The following CNNM1 variants were observed in gnomAD, a reference collection of about 807,000 sequenced individuals.
CNNM1 encodes cyclin and CBS domain divalent metal cation transport mediator 1.
CNNM1 carries 44 observed loss-of-function variants against 78.8 expected under a neutral mutation model. The ratio of observed to expected loss-of-function variants is 0.56; its 90% CI spans 0.44 to 0.72. The LOEUF (loss-of-function observed/expected upper bound fraction) is 0.72. Ranked by LOEUF, CNNM1 falls within the 30% of genes least tolerant of loss-of-function variation. The probability of loss-of-function intolerance (pLI) is 0.00; values close to 1 mark genes in which losing one functional copy is unlikely to be tolerated. For missense variants in CNNM1, 1,101 were observed against 1,292.2 expected (o/e 0.85, Z 2.27); for synonymous variants, 584 against 581.5 (o/e 1.00, Z -0.06).
At chr10:99,341,344 C>A (rs2862601) in intron 1 of CNNM1, among the ~76,000 whole-genome samples, 1 of 152,068 alleles carries the variant, frequency 6.6e-6, no homozygotes, top group Non-Finnish European at 1.5e-5. Context: ...CTCTCAACAT[C>A]GTCTGGGCAG....
chr10:99,369,787 C>T (rs1004582507), intron 6 of CNNM1, among the ~76,000 whole-genome samples: 27 of 152,086 alleles, frequency 1.8e-4, no homozygotes, highest in African/African-American at 4.8e-4. Context: ...ACTACAGGAT[C>T]GGACAGTCAA....
chr10:99,330,597 G>T lies in CNNM1; in HGVS notation c.1210G>T (p.Ala404Ser), dbSNP rs1174419015. 6 of 1,612,548 alleles carry T rather than the reference G, an allele frequency of 3.7e-6. No homozygotes were observed. Among genetic ancestry groups the T allele is most frequent in the Non-Finnish European group, 5.1e-6 (6 of 1,179,392 alleles). The change falls in exon 1 of 11, where the codon GCA (alanine) becomes TCA (serine). Residue 404 changes from alanine (A) to serine (S), a missense_variant. Physicochemically the swap from Ala to Ser is moderately conservative, Grantham distance 99. Coordinates refer to ENST00000356713, the MANE Select transcript of CNNM1 (RefSeq NM_020348.3). ...GAAGTTGCTGGAGACGTTGCGGGCC[G>T]CAGACCCCTACAGTGACCTGGTGAA... ...REKLLETLRA[A>S]DPYSDLVKEE...
chr10:99,366,816 A>T (rs958728181), intron 6 of CNNM1, among the ~76,000 whole-genome samples: 1 of 152,206 alleles, frequency 6.6e-6, no homozygotes, highest in Non-Finnish European at 1.5e-5. Flanking sequence ...GGAAGATGTT[A>T]TCTGATTTCT....
intron 1 of CNNM1, among the ~76,000 whole-genome samples, chr10:99,331,472 C>T (rs991728908): frequency 1.3e-5 from 2 of 152,224 alleles, no homozygotes; most frequent in Non-Finnish European, 2.9e-5. Flanking sequence ...AATCCTTCTA[C>T]CTCTTCTGCC....
Position 99,330,153 on chromosome 10 carries a change from G to T in CNNM1, c.766G>T (p.Val256Leu). Residue 256 changes from valine (V) to leucine (L), a missense_variant, in exon 1 of 11, where the codon GTG becomes TTG. Physicochemically the swap from Val to Leu is conservative, Grantham distance 32. Around this residue, in one of 3 missense-constraint regions of CNNM1, gnomAD observed 476 missense variants for 484.5 expected, o/e 0.98. Transcript: ENST00000356713. ...GTCGCTGGACCCGGTGGAGTTACGG[G>T]TGCTGCGGAACAGCGGCTCGGCCGC... is the stretch of plus-strand genomic sequence containing the variant. Reference protein sequence around the residue: ...LLSLDPVELRVLRNSGSAAEQ... With the variant: ...LLSLDPVELRLLRNSGSAAEQ... The T allele has an allele frequency of 1.9e-6, 3 of 1,541,332 alleles. No individual in the cohort carries two copies. Among genetic ancestry groups the T allele is most frequent in the Non-Finnish European group, 1.7e-6 (2 of 1,149,830 alleles).
At chr10:99,366,095 C>T (rs1175667065) in intron 6 of CNNM1, among the ~76,000 whole-genome samples, 1 of 152,174 alleles carries the variant, frequency 6.6e-6, no homozygotes, top group East Asian at 1.9e-4. Context: ...AGTGTAATAG[C>T]CCAGCCAGTG....
chr10:99,330,405 G>A lies in CNNM1; in HGVS notation c.1018G>A (p.Glu340Lys), dbSNP rs1357387949. ...CACCGGCGCGGTATTCCTGGGCGCCGAAATCTGCCCCTACTCAGTGTGTTC... is the reference window on the plus strand; with the variant it reads ...CACCGGCGCGGTATTCCTGGGCGCCAAAATCTGCCCCTACTCAGTGTGTTC... Reference protein sequence around the residue: ...VCTGAVFLGAEICPYSVCSRH... With the variant: ...VCTGAVFLGAKICPYSVCSRH... Residue 340 changes from glutamate (E) to lysine (K), a missense_variant, in exon 1 of 11, where the codon GAA becomes AAA. Glu to Lys is a moderately conservative substitution (Grantham distance 56). Around this residue, in one of 3 missense-constraint regions of CNNM1, gnomAD observed 277 missense variants for 423.2 expected, o/e 0.65. Transcript: ENST00000356713. 6.3e-7 allele frequency: 1 copy of A among 1,592,626 alleles called. No individual in the cohort carries two copies. Among genetic ancestry groups the A allele is most frequent in the Non-Finnish European group, 8.5e-7 (1 of 1,170,570 alleles).
rs1376712131 is a variant in CNNM1, at chr10:99,390,401, AC to A, written c.2772del (p.Leu925Ter). 1 of 1,609,916 alleles carries A rather than the reference AC, an allele frequency of 6.2e-7. No homozygotes were observed. Among genetic ancestry groups the A allele is most frequent in the Non-Finnish European group, 8.5e-7 (1 of 1,177,684 alleles). ...EENVGKKLLR[T>X]LSGQKRKRSP... ...AAACGTGGGCAAGAAGCTGCTGAGA[AC>A]CTTGAGTGAGTAGCTAGTTCTTCAC... On this transcript the variant is annotated frameshift_variant, in exon 10 of 11. Transcript: ENST00000356713. LOFTEE classifies it high-confidence loss of function.
At chr10:99,333,322 CTCAT>C (rs370449396) in intron 1 of CNNM1, among the ~76,000 whole-genome samples, 1 of 152,174 alleles carries the variant, frequency 6.6e-6, no homozygotes, top group African/African-American at 2.4e-5. Flanking sequence ...CTCCTGTGAA[CTCAT>C]TCATTCATTT....
intron 7 of CNNM1, among the ~76,000 whole-genome samples, chr10:99,385,256 G>A (rs2134080625): frequency 6.6e-6 from 1 of 152,268 alleles, no homozygotes; most frequent in African/African-American, 2.4e-5. Flanking sequence ...AAAGCCTACT[G>A]AAACAGCCCC....
Position 99,329,857 on chromosome 10 carries a change from C to A in CNNM1, c.470C>A (p.Ser157Ter). ...TTGCGTCCCGGGGGCGTGGCAGGCTCGGCCCTGGTCCAGGTGCGAGTGCGG... is the reference window on the plus strand; with the variant it reads ...TTGCGTCCCGGGGGCGTGGCAGGCTAGGCCCTGGTCCAGGTGCGAGTGCGG... ...GPLRPGGVAG[S>*]ALVQVRVREL... The change falls in exon 1 of 11, where the codon TCG (serine) becomes TAG (stop). Residue 157 changes from serine (S) to a stop codon, truncating the protein, a stop_gained. Coordinates refer to ENST00000356713, the MANE Select transcript of CNNM1 (RefSeq NM_020348.3). LOFTEE classifies it high-confidence loss of function. The A allele has an allele frequency of 7.1e-7, 1 of 1,409,566 alleles. No individual in the cohort carries two copies. The highest frequency in any genetic ancestry group is 1.6e-5 in the South Asian group (1 of 63,820). 87.3% of individuals were successfully genotyped at this position (1,409,566 alleles called of 1,614,324 possible). A position where few individuals can be genotyped will look rare whatever the true frequency, so the allele number is the denominator to read the frequency against.
chr10:99,367,076 G>C (rs1382181842), intron 6 of CNNM1, among the ~76,000 whole-genome samples: 1 of 152,182 alleles, frequency 6.6e-6, no homozygotes, highest in Non-Finnish European at 1.5e-5. Flanking sequence ...ACTTAGTGTA[G>C]TGAAGTGTGA....
intron 1 of CNNM1, among the ~76,000 whole-genome samples, chr10:99,345,224 G>T (rs551158338): frequency 6.6e-6 from 1 of 152,202 alleles, no homozygotes; most frequent in Non-Finnish European, 1.5e-5. Flanking sequence ...CCAATGTACA[G>T]TAGGTATTAC....
chr10:99,381,237 C>A (rs2032142067), intron 7 of CNNM1, among the ~76,000 whole-genome samples: 1 of 150,754 alleles, frequency 6.6e-6, no homozygotes, highest in African/African-American at 2.4e-5. Context: ...GTGGTGAAAC[C>A]CTGTCTCTAC....
chr10:99,355,439 TA>T (rs1160631510), intron 1 of CNNM1, among the ~76,000 whole-genome samples: 1 of 152,218 alleles, frequency 6.6e-6, no homozygotes, highest in Non-Finnish European at 1.5e-5. Context: ...AAAGAGTTTA[TA>T]AAGGGTACTA....
rs1196568215 is a variant in CNNM1 at position 99,388,012 on chromosome 10, G to T, written c.2524+9G>T. 1 of 1,582,866 alleles carries T rather than the reference G, an allele frequency of 6.3e-7. No individual in the cohort carries two copies. Among genetic ancestry groups the T allele is most frequent in the Admixed American group, 1.8e-5 (1 of 57,066 alleles). ...CAGGAACAGCCTGCCGTGTAAGTCA[G>T]CTGGGCAGACGGGCAGGCTGGGCTG... On this transcript the variant is annotated intron_variant, in intron 8 of 10. Coordinates refer to ENST00000356713, the MANE Select transcript of CNNM1 (RefSeq NM_020348.3).
chr10:99,351,630 T>G (rs1031214651), intron 1 of CNNM1, among the ~76,000 whole-genome samples: 2 of 152,198 alleles, frequency 1.3e-5, no homozygotes, highest in African/African-American at 4.8e-5. Context: ...TTCCCTCTCC[T>G]GCCTGTGATA....
chr10:99,376,996 C>T, intron 6 of CNNM1, 59 bp from the exon 7 acceptor site: 1 of 1,218,668 alleles, frequency 8.2e-7, no homozygotes, highest in African/African-American at 1.5e-5. Flanking sequence ...TCCCTCCCTC[C>T]CCCTTCTTCC....
At chr10:99,356,092 AAAG>A (rs1309648686) in intron 1 of CNNM1, among the ~76,000 whole-genome samples, 2 of 152,206 alleles carry the variant, frequency 1.3e-5, no homozygotes, top group East Asian at 3.8e-4. Context: ...CAGGAATTCA[AAAG>A]AAGTACAGCG....
Sources: gnomAD v4.1 joint callset for allele counts (sites outside exome capture counted in the v4.1 genomes callset) on GRCh38, gnomAD v4.1.1 for gene constraint, gnomAD v4.1.1 regional missense constraint, MANE v1.5 for transcripts, NCBI Gene and HGNC (gene_info 2026-07-23, HGNC 2026-07-21) for gene names.